KCNJ3: variants seen among roughly 807,000 people sequenced by gnomAD.
KCNJ3 encodes the protein G protein-activated inward rectifier potassium channel 1.
A neutral mutation model predicts 39.2 loss-of-function variants in KCNJ3; 4 were observed. The ratio of observed to expected loss-of-function variants is 0.10; its 90% CI spans 0.05 to 0.23. The LOEUF (loss-of-function observed/expected upper bound fraction) is 0.23, where lower values mean the gene tolerates loss of function less well. Among genes scored for constraint, KCNJ3 ranks in the 10% least tolerant of loss-of-function variants. The pLI, the probability that KCNJ3 is intolerant of heterozygous loss-of-function variation, is 1.00. For missense variants in KCNJ3, 276 were observed against 634.9 expected, an observed-to-expected ratio of 0.43 and a Z score of 6.08; for synonymous variants, 230 against 237.4, an observed-to-expected ratio of 0.97 and a Z score of 0.29.
intron 1 of KCNJ3, among the ~76,000 whole-genome samples, chr2:154,706,388 C>T (rs1200177872): frequency 2.6e-5 from 4 of 152,074 alleles, no homozygotes; most frequent in Admixed American, 6.5e-5. Flanking sequence ...AAATATTCTG[C>T]TTATTATCAA....
chr2:154,780,299 T>C (rs1427700934), intron 2 of KCNJ3, among the ~76,000 whole-genome samples: 1 of 152,168 alleles, frequency 6.6e-6, no homozygotes, highest in African/African-American at 2.4e-5. Context: ...GTGCCTATAT[T>C]GTGAGAGAGG....
chr2:154,795,730 C>T (rs149209131), intron 2 of KCNJ3, among the ~76,000 whole-genome samples: 37 of 152,098 alleles, frequency 2.4e-4, no homozygotes, highest in African/African-American at 8.9e-4. Flanking sequence ...GAAAAGGAGG[C>T]CTCTTTTTCA....
intron 2 of KCNJ3, among the ~76,000 whole-genome samples, chr2:154,809,692 G>A (rs1198533889): frequency 6.6e-6 from 1 of 152,096 alleles, no homozygotes; most frequent in Non-Finnish European, 1.5e-5. Flanking sequence ...AGCAGTCTTG[G>A]TCATGTACTC....
intron 2 of KCNJ3, among the ~76,000 whole-genome samples, chr2:154,773,262 A>G (rs941098932): frequency 3.3e-5 from 5 of 152,138 alleles, no homozygotes; most frequent in African/African-American, 1.2e-4. Flanking sequence ...TACACATCAT[A>G]TCATAGGATT....
At chr2:154,752,611 A>G (rs1042718095) in intron 2 of KCNJ3, among the ~76,000 whole-genome samples, 1 of 152,032 alleles carries the variant, frequency 6.6e-6, no homozygotes, top group Non-Finnish European at 1.5e-5. Flanking sequence ...AAGTTTTCCT[A>G]TTTGTAAATT....
intron 2 of KCNJ3, among the ~76,000 whole-genome samples, chr2:154,824,600 C>T (rs1687238276): frequency 1.3e-5 from 2 of 152,002 alleles, no homozygotes; most frequent in South Asian, 4.1e-4. Context: ...AGTGAGTAAT[C>T]TATAAAAAAC....
chr2:154,805,233 G>A (rs760693869), intron 2 of KCNJ3, among the ~76,000 whole-genome samples: 10 of 151,982 alleles, frequency 6.6e-5, no homozygotes, highest in Non-Finnish European at 1.2e-4. Context: ...CTAAAGGGAG[G>A]GCTAATTTGA....
intron 1 of KCNJ3, among the ~76,000 whole-genome samples, chr2:154,708,198 C>G (rs1042341283): frequency 4.6e-5 from 7 of 152,106 alleles, no homozygotes; most frequent in Middle Eastern, 3.4e-3. Flanking sequence ...AAATAATATC[C>G]GTGAATATTT....
intron 2 of KCNJ3, among the ~76,000 whole-genome samples, chr2:154,716,413 C>T (rs1213392805): frequency 6.6e-6 from 1 of 151,654 alleles, no homozygotes; most frequent in Non-Finnish European, 1.5e-5. Context: ...GCATGAGCCA[C>T]CACGCCTAGC....
At chr2:154,831,063 G>C (rs181543503) in intron 2 of KCNJ3, among the ~76,000 whole-genome samples, 2 of 152,050 alleles carry the variant, frequency 1.3e-5, no homozygotes, top group African/African-American at 2.4e-5. Context: ...TTTGGCCATT[G>C]TCTTTTACTA....
At chr2:154,763,739 C>T (rs1388952207) in intron 2 of KCNJ3, among the ~76,000 whole-genome samples, 2 of 152,182 alleles carry the variant, frequency 1.3e-5, no homozygotes, top group Admixed American at 6.5e-5. Flanking sequence ...TACCTTCTAG[C>T]TTCCAGCTTC....
chr2:154,787,725 A>C (rs1686557495), intron 2 of KCNJ3, among the ~76,000 whole-genome samples: 2 of 151,616 alleles, frequency 1.3e-5, no homozygotes, highest in South Asian at 4.2e-4. Flanking sequence ...CCTTGAAACT[A>C]GCCTGTGCCA....
chr2:154,814,700 C>T (rs964251222), intron 2 of KCNJ3, among the ~76,000 whole-genome samples: 14 of 152,000 alleles, frequency 9.2e-5, no homozygotes, highest in Admixed American at 6.6e-5. Context: ...GGAAATCTCT[C>T]AATATATAAA....
rs1687442015 is a variant in KCNJ3 at position 154,835,467 on chromosome 2, A to AATATGAATATATAATATTCATAT, written c.920-19239_920-19238insATATATGAATATATAATATTCAT. 1.9e-4 allele frequency among the ~76,000 whole-genome samples: 18 copies of AATATGAATATATAATATTCATAT among 96,170 alleles called. No individual in the cohort carries two copies. In the Admixed American group the frequency reaches 2.2e-3, roughly 12 times the overall value. 63.1% of individuals were successfully genotyped at this position (96,170 alleles called of 152,430 possible). A position where few individuals can be genotyped will look rare whatever the true frequency, so the allele number is the denominator to read the frequency against. ...TGAATATGAATATATAATATTCATGAATATGAATATATAATATTCATGAAT... is the reference window on the plus strand; with the variant it reads ...TGAATATGAATATATAATATTCATGAATATGAATATATAATATTCATATATATGAATATATAATATTCATGAAT... On this transcript the variant is annotated intron_variant, in intron 2 of 2. Coordinates refer to ENST00000295101, the MANE Select transcript of KCNJ3 (RefSeq NM_002239.4).
intron 2 of KCNJ3, among the ~76,000 whole-genome samples, chr2:154,749,838 G>C (rs1685807999): frequency 6.6e-6 from 1 of 151,762 alleles, no homozygotes; most frequent in African/African-American, 2.4e-5. Context: ...TTGGCTCTCT[G>C]ACATCCTTTC....
intron 2 of KCNJ3, among the ~76,000 whole-genome samples, chr2:154,823,865 T>C (rs1172548727): frequency 8.5e-5 from 13 of 152,136 alleles, no homozygotes; most frequent in Admixed American, 8.5e-4. Context: ...TCGTCTTTGA[T>C]CTTATGACTT....
chr2:154,803,085 G>A (rs184073962), intron 2 of KCNJ3, among the ~76,000 whole-genome samples: 8 of 152,044 alleles, frequency 5.3e-5, no homozygotes, highest in African/African-American at 9.6e-5. Context: ...ACTTACTGTC[G>A]CTTAAGGTTA....
At chr2:154,763,777 G>A (rs1465133679) in intron 2 of KCNJ3, among the ~76,000 whole-genome samples, 1 of 152,172 alleles carries the variant, frequency 6.6e-6, no homozygotes, top group East Asian at 1.9e-4. Context: ...AGCTGGGCAA[G>A]TGACTTTTCT....
chr2:154,699,138 G>A lies in KCNJ3; in HGVS notation c.363G>A (p.Thr121=). 2 of 1,614,204 alleles carry A rather than the reference G, an allele frequency of 1.2e-6. No individual in the cohort carries two copies. The highest frequency in any genetic ancestry group is 1.7e-6 in the Non-Finnish European group (2 of 1,180,052). Residue 121 remains threonine, a synonymous_variant, in exon 1 of 3, where the codon ACG becomes ACA. Coordinates refer to ENST00000295101, the MANE Select transcript of KCNJ3 (RefSeq NM_002239.4). This position sits in a 1 kb window ranked among gnomAD's most constrained non-coding sequence, Gnocchi z 6.4. The part of the protein sequence containing the change: ...DLNKAHVGNY[T]PCVANVYNFP... ...ACAAAGCCCACGTCGGTAACTACAC[G>A]CCTTGCGTGGCCAATGTCTATAACT... is the stretch of plus-strand genomic sequence containing the variant.
Sources: gnomAD v4.1 joint callset for allele counts (sites outside exome capture counted in the v4.1 genomes callset) on GRCh38, gnomAD v4.1.1 for gene constraint, Gnocchi (gnomAD v3.1) non-coding constraint, MANE v1.5 for transcripts, NCBI Gene and HGNC (gene_info 2026-07-23, HGNC 2026-07-21) for gene names.